The following FAM171A1 variants were observed in gnomAD, a reference collection of about 807,000 sequenced individuals.
FAM171A1 encodes family with sequence similarity 171 member A1, also known as protein FAM171A1.
Under a neutral mutation model 74.9 loss-of-function variants are expected in FAM171A1, and 23 were observed. The ratio of observed to expected loss-of-function variants is 0.31; its 90% CI spans 0.22 to 0.44. The LOEUF (loss-of-function observed/expected upper bound fraction) is 0.44, where lower values mean the gene tolerates loss of function less well. Among genes scored for constraint, FAM171A1 ranks in the 20% least tolerant of loss-of-function variants. FAM171A1 has a pLI of 1.00. For synonymous variants in FAM171A1, 527 were observed against 505.7 expected, an observed-to-expected ratio of 1.04 and a Z score of -0.57; for missense variants, 1,162 against 1,159.2, an observed-to-expected ratio of 1.00 and a Z score of -0.03.
At position 15,285,271 on chromosome 10, in the gene FAM171A1, C is replaced by A. The variant is rs144044385; in HGVS notation, c.98-1166G>T. Among the ~76,000 whole-genome samples, 424 of 152,198 alleles carry A rather than the reference C, an allele frequency of 2.8e-3. 3 individuals are homozygous for A. The highest frequency in any genetic ancestry group is 4.2e-3 in the Admixed American group (64 of 15,284). On this transcript the variant is annotated intron_variant, in intron 1 of 7. Transcript: ENST00000378116. ...CAGGTTCTGAAAGCTGGATGGAGAG[C>A]GTGAGAGGCGTAGGAGGCTGGAGAG...
chr10:15,232,732 T>A (rs1429476124), intron 5 of FAM171A1, among the ~76,000 whole-genome samples: 1 of 152,208 alleles, frequency 6.6e-6, no homozygotes, highest in Non-Finnish European at 1.5e-5. Context: ...CATTAAGTCT[T>A]GGCATTGAAG....
At chr10:15,259,891 T>C (rs1406791569) in intron 3 of FAM171A1, among the ~76,000 whole-genome samples, 3 of 152,054 alleles carry the variant, frequency 2.0e-5, no homozygotes, top group South Asian at 2.1e-4. Context: ...AATGATGCCA[T>C]CACAGTTCAC....
chr10:15,215,411 G>C (rs192151180), intron 7 of FAM171A1, among the ~76,000 whole-genome samples: 1 of 152,108 alleles, frequency 6.6e-6, no homozygotes, highest in East Asian at 1.9e-4. Context: ...TGTTGCCCAG[G>C]CTGGAGTACA....
chr10:15,249,865 T>C (rs186164841), intron 4 of FAM171A1, among the ~76,000 whole-genome samples: 11 of 152,352 alleles, frequency 7.2e-5, no homozygotes, highest in Admixed American at 5.2e-4. Context: ...ATTTTACATT[T>C]TCCTCTAGTG....
chr10:15,281,627 C>T (rs548581474), intron 2 of FAM171A1, among the ~76,000 whole-genome samples: 3 of 152,228 alleles, frequency 2.0e-5, no homozygotes, highest in Admixed American at 6.5e-5. Flanking sequence ...TTTGGGAGGC[C>T]GAGGCAAGTG....
At chr10:15,224,201 G>A (rs902845704) in intron 5 of FAM171A1, among the ~76,000 whole-genome samples, 6 of 152,102 alleles carry the variant, frequency 3.9e-5, no homozygotes, top group African/African-American at 1.2e-4. Context: ...GGGGCAGGGC[G>A]GGAGCCAGGA....
At chr10:15,340,135 C>G (rs1835749206) in intron 1 of FAM171A1, among the ~76,000 whole-genome samples, 1 of 152,160 alleles carries the variant, frequency 6.6e-6, no homozygotes, top group Admixed American at 6.5e-5. Flanking sequence ...GGGCAGAGTA[C>G]AGACATACAT....
intron 1 of FAM171A1, among the ~76,000 whole-genome samples, chr10:15,301,051 A>G (rs1037154689): frequency 2.6e-5 from 4 of 152,184 alleles, no homozygotes; most frequent in Non-Finnish European, 4.4e-5. Flanking sequence ...TCCCAAGGAC[A>G]TGGAGAGCTG....
intron 1 of FAM171A1, among the ~76,000 whole-genome samples, chr10:15,287,056 G>A (rs1363896361): frequency 1.3e-5 from 2 of 150,910 alleles, no homozygotes; most frequent in Non-Finnish European, 2.9e-5. Flanking sequence ...ATCCAATCAG[G>A]ATGTGCACGA....
At chr10:15,298,414 G>A (rs1390520487) in intron 1 of FAM171A1, among the ~76,000 whole-genome samples, 4 of 151,898 alleles carry the variant, frequency 2.6e-5, no homozygotes, top group African/African-American at 4.8e-5. Flanking sequence ...GATTACAGGC[G>A]TGAGCCACCA....
intron 1 of FAM171A1, among the ~76,000 whole-genome samples, chr10:15,319,682 C>A (rs143186797): frequency 1.9e-4 from 29 of 152,290 alleles, no homozygotes; most frequent in African/African-American, 6.5e-4. Flanking sequence ...GTCTGCCCAC[C>A]TTGGCCTCCC....
chr10:15,373,572 G>C (rs1204514108), upstream of FAM171A1, among the ~76,000 whole-genome samples: 1 of 152,178 alleles, frequency 6.6e-6, no homozygotes, highest in Non-Finnish European at 1.5e-5. Context: ...TGCAAATCTA[G>C]TGAATACTAT....
At chr10:15,361,061 GA>G (rs1310270037) in intron 1 of FAM171A1, among the ~76,000 whole-genome samples, 1 of 151,980 alleles carries the variant, frequency 6.6e-6, no homozygotes, top group Non-Finnish European at 1.5e-5. Flanking sequence ...ACCTTTATAA[GA>G]AACTATAATC....
chr10:15,325,108 G>A (rs943067203), intron 1 of FAM171A1, among the ~76,000 whole-genome samples: 4 of 152,196 alleles, frequency 2.6e-5, no homozygotes, highest in Non-Finnish European at 4.4e-5. Flanking sequence ...TGACAGCCAG[G>A]GGAGTTCTAT....
chr10:15,252,111 T>C (rs1453090640), intron 4 of FAM171A1, among the ~76,000 whole-genome samples: 3 of 152,234 alleles, frequency 2.0e-5, no homozygotes, highest in Non-Finnish European at 4.4e-5. Flanking sequence ...GAGTTATTAG[T>C]GAAAGCAATT....
At chr10:15,225,175 G>C (rs542679478) in intron 5 of FAM171A1, among the ~76,000 whole-genome samples, 2 of 152,172 alleles carry the variant, frequency 1.3e-5, no homozygotes, top group South Asian at 4.1e-4. Flanking sequence ...TGTGTCTTGC[G>C]TTCCTTTTGT....
intron 5 of FAM171A1, among the ~76,000 whole-genome samples, chr10:15,226,192 C>T (rs140923755): frequency 3.3e-5 from 5 of 152,290 alleles, no homozygotes; most frequent in Admixed American, 6.5e-5. Flanking sequence ...GAAGCCGCAC[C>T]ACTGCAGCTG....
chr10:15,222,835 G>A (rs546070139), intron 5 of FAM171A1, among the ~76,000 whole-genome samples: 32 of 152,346 alleles, frequency 2.1e-4, no homozygotes, highest in South Asian at 4.1e-4. Flanking sequence ...GCGAGGGCTC[G>A]GCATCTCCCC....
chr10:15,242,025 G>A (rs998839999), intron 5 of FAM171A1, among the ~76,000 whole-genome samples: 4 of 152,086 alleles, frequency 2.6e-5, no homozygotes, highest in Admixed American at 1.3e-4. Flanking sequence ...ATTTCTGGCT[G>A]TTAAACAATT....
Sources: gnomAD v4.1 joint callset for allele counts (sites outside exome capture counted in the v4.1 genomes callset) on GRCh38, gnomAD v4.1.1 for gene constraint, MANE v1.5 for transcripts, NCBI Gene and HGNC (gene_info 2026-07-23, HGNC 2026-07-21) for gene names.